The following TENM3 variants were observed in gnomAD, a reference collection of about 807,000 sequenced individuals.
The protein encoded by TENM3 is teneurin-3.
In TENM3, 63 loss-of-function variants were observed where a neutral mutation model predicts 255.1. That is an observed-to-expected ratio of 0.25 (90% CI 0.20 to 0.30). TENM3 has a LOEUF of 0.30. Ranked by LOEUF, TENM3 falls within the 10% of genes least tolerant of loss-of-function variation. The probability of loss-of-function intolerance (pLI) is 1.00; values close to 1 mark genes in which losing one functional copy is unlikely to be tolerated. For missense variants in TENM3, 2,929 were observed against 3,461.1 expected, an observed-to-expected ratio of 0.85 and a Z score of 3.86; for synonymous variants, 1,306 against 1,322.3, an observed-to-expected ratio of 0.99 and a Z score of 0.27.
chr4:181,798,300 T>A, the TENM3 span, among the ~76,000 whole-genome samples: 65 of 151,918 alleles, frequency 4.3e-4, no homozygotes, highest in Admixed American at 7.9e-4. Context: ...TTTCTTTATT[T>A]TTTATTTATT....
chr4:182,509,204 T>G (rs1286445477), intron 3 of TENM3, among the ~76,000 whole-genome samples: 5 of 152,224 alleles, frequency 3.3e-5, no homozygotes, highest in African/African-American at 7.2e-5. Context: ...TAATGAAAAT[T>G]ACCTTTGCTG....
intron 3 of TENM3, among the ~76,000 whole-genome samples, chr4:182,567,491 T>C (rs1327035266): frequency 6.6e-6 from 1 of 152,148 alleles, no homozygotes. Flanking sequence ...GTCTTTAAAA[T>C]GGCCTTCCAG....
the TENM3 span, among the ~76,000 whole-genome samples, chr4:181,776,497 G>A: frequency 2.0e-5 from 3 of 152,022 alleles, no homozygotes; most frequent in Admixed American, 6.6e-5. Context: ...TCTCCATACG[G>A]TTTTCCATAA....
the TENM3 span, among the ~76,000 whole-genome samples, chr4:182,099,011 G>T: frequency 1.4e-5 from 2 of 143,630 alleles, no homozygotes; most frequent in African/African-American, 5.2e-5. Context: ...ACCCAGGCTG[G>T]AGTGCAGTGG....
chr4:181,895,899 A>C, the TENM3 span, among the ~76,000 whole-genome samples: 1 of 152,016 alleles, frequency 6.6e-6, no homozygotes, highest in African/African-American at 2.4e-5. Flanking sequence ...CTCAAAGTTT[A>C]TTTTAATTGT....
At chr4:181,933,464 T>C in the TENM3 span, among the ~76,000 whole-genome samples, 1 of 152,152 alleles carries the variant, frequency 6.6e-6, no homozygotes, top group South Asian at 2.1e-4. Context: ...CACAAATCTA[T>C]TCTATGAACT....
chr4:181,621,641 A>G, the TENM3 span, among the ~76,000 whole-genome samples: 1 of 152,196 alleles, frequency 6.6e-6, no homozygotes, highest in Non-Finnish European at 1.5e-5. Context: ...ATCATTTAAT[A>G]TATTCTGTAT....
the TENM3 span, among the ~76,000 whole-genome samples, chr4:181,615,747 G>T: frequency 6.6e-6 from 1 of 152,184 alleles, no homozygotes; most frequent in South Asian, 2.1e-4. Flanking sequence ...AACAAAATAT[G>T]TTAGTTGATT....
intron 3 of TENM3, among the ~76,000 whole-genome samples, chr4:182,451,836 A>G (rs1773486898): frequency 6.6e-6 from 1 of 152,226 alleles, no homozygotes; most frequent in South Asian, 2.1e-4. Flanking sequence ...TTGGAACATC[A>G]GTTCTTTATG....
At chr4:181,507,798 T>C in the TENM3 span, among the ~76,000 whole-genome samples, 2 of 152,246 alleles carry the variant, frequency 1.3e-5, no homozygotes, top group African/African-American at 4.8e-5. Flanking sequence ...TAATGGTGTT[T>C]GCAAACATGA....
chr4:182,729,615 C>T (rs1182801092), intron 14 of TENM3, among the ~76,000 whole-genome samples: 1 of 151,992 alleles, frequency 6.6e-6, no homozygotes, highest in East Asian at 1.9e-4. Context: ...TTGACTGGTG[C>T]TTTGCAGAGC....
At chr4:182,165,173 T>A (rs1037002645) in intron 1 of TENM3, among the ~76,000 whole-genome samples, 1 of 152,196 alleles carries the variant, frequency 6.6e-6, no homozygotes, top group African/African-American at 2.4e-5. Context: ...CATCATCTAC[T>A]CCAGGGAAAC....
the TENM3 span, among the ~76,000 whole-genome samples, chr4:181,515,699 C>CCT: frequency 8.6e-5 from 13 of 152,044 alleles, no homozygotes; most frequent in Admixed American, 8.5e-4. Context: ...CTGTTAAATA[C>CCT]CTCTTCCTTA....
At chr4:181,758,789 G>A in the TENM3 span, among the ~76,000 whole-genome samples, 1 of 152,118 alleles carries the variant, frequency 6.6e-6, no homozygotes, top group Admixed American at 6.6e-5. Flanking sequence ...TTACATTTGA[G>A]CACATGTAGT....
intron 3 of TENM3, among the ~76,000 whole-genome samples, chr4:182,466,139 T>C (rs982486272): frequency 1.3e-5 from 2 of 152,208 alleles, no homozygotes; most frequent in Non-Finnish European, 2.9e-5. Context: ...TAATTCTTCA[T>C]TCACTGGGTT....
At chr4:182,137,416 A>T in the TENM3 span, among the ~76,000 whole-genome samples, 1 of 152,036 alleles carries the variant, frequency 6.6e-6, no homozygotes. Flanking sequence ...TTATCAGGCA[A>T]TTGCATGCCT....
the TENM3 span, among the ~76,000 whole-genome samples, chr4:182,126,048 T>A: frequency 1.3e-5 from 2 of 152,216 alleles, no homozygotes; most frequent in Admixed American, 6.5e-5. Flanking sequence ...GTTTCTTATC[T>A]GATTAAAACA....
chr4:182,202,299 CTTTTTTTTTTT>C (rs773698031), intron 1 of TENM3, among the ~76,000 whole-genome samples: 3 of 100,608 alleles, frequency 3.0e-5, no homozygotes, highest in African/African-American at 1.3e-4. Context: ...GTGCACTGCA[CTTTTTTTTTTT>C]TTTTTTTTTT....
chr4:182,019,753 C>T, the TENM3 span, among the ~76,000 whole-genome samples: 8 of 152,254 alleles, frequency 5.3e-5, 1 homozygote, highest in African/African-American at 1.9e-4. Context: ...CAACCTTGAC[C>T]TTCCAGGCTT....
Sources: allele counts gnomAD v4.1 joint callset (sites outside exome capture counted in the v4.1 genomes callset), GRCh38; gene constraint gnomAD v4.1.1; transcripts MANE v1.5; gene names NCBI Gene and HGNC (gene_info 2026-07-23, HGNC 2026-07-21).